Variants in HDAC9 observed in about 807,000 individuals in gnomAD.
HDAC9 encodes the protein MEF-2 interacting transcription repressor (MITR) protein.
HDAC9 carries 41 observed loss-of-function variants against 139.4 expected under a neutral mutation model. The observed-to-expected ratio is 0.29, with a 90% CI of 0.23 to 0.38. The LOEUF (loss-of-function observed/expected upper bound fraction) is 0.38. HDAC9 is among the 10% of genes least tolerant of loss of function. The pLI, the probability that HDAC9 is intolerant of heterozygous loss-of-function variation, is 1.00. For missense variants in HDAC9, 1,147 were observed against 1,297.0 expected, an observed-to-expected ratio of 0.88 and a Z score of 1.78; for synonymous variants, 517 against 476.2, an observed-to-expected ratio of 1.09 and a Z score of -1.12.
chr7:18,778,746 C>A (rs1048777992), intron 16 of HDAC9, among the ~76,000 whole-genome samples: 2 of 151,972 alleles, frequency 1.3e-5, no homozygotes, highest in African/African-American at 4.8e-5. Context: ...AAGTAAGGAT[C>A]CTTAGAGTCT....
chr7:18,319,036 A>G (rs1014016372), intron 1 of HDAC9, among the ~76,000 whole-genome samples: 3 of 152,204 alleles, frequency 2.0e-5, no homozygotes, highest in African/African-American at 7.2e-5. Context: ...CTGTAGTGTG[A>G]CAAGCACTGA....
chr7:18,235,890 C>G (rs1358667709), intron 2 of HDAC9, among the ~76,000 whole-genome samples: 1 of 152,092 alleles, frequency 6.6e-6, no homozygotes, highest in African/African-American at 2.4e-5. Context: ...ACCAAGGGGG[C>G]CTATGTGTAC....
At chr7:18,722,667 A>G (rs1017340310) in intron 12 of HDAC9, among the ~76,000 whole-genome samples, 19 of 152,168 alleles carry the variant, frequency 1.2e-4, no homozygotes, top group African/African-American at 4.6e-4. Context: ...CCTGGCATTT[A>G]ATGATAACTC....
intron 1 of HDAC9, among the ~76,000 whole-genome samples, chr7:18,343,940 A>T (rs953204537): frequency 7.9e-5 from 12 of 151,884 alleles, no homozygotes; most frequent in Non-Finnish European, 1.5e-4. Context: ...ATAGTTCAGA[A>T]ATAGTTTAGT....
chr7:18,842,875 T>C (rs1387837906), intron 21 of HDAC9, among the ~76,000 whole-genome samples: 1 of 152,112 alleles, frequency 6.6e-6, no homozygotes, highest in African/African-American at 2.4e-5. Context: ...AGATATGATA[T>C]TATTAGACAG....
chr7:18,999,856 C>T lies in HDAC9; in HGVS notation c.*3794C>T, dbSNP rs1347165687. 1 of 150,372 alleles carries T rather than the reference C, an allele frequency of 6.7e-6. No homozygotes were observed. Among genetic ancestry groups the T allele is most frequent in the African/African-American group, 2.4e-5 (1 of 41,104 alleles). 9.3% of individuals were successfully genotyped at this position (150,372 alleles called of 1,614,324 possible). A position where few individuals can be genotyped will look rare whatever the true frequency, so the allele number is the denominator to read the frequency against. The stretch of plus-strand genomic sequence containing the variant: ...TCTCAATGAAAGAAGTATTAAAAGT[C>T]TTATGGCCCCAAAAGAAACAAGCCA... On this transcript the variant is annotated 3_prime_UTR_variant, in exon 26 of 26. Coordinates refer to ENST00000686413, the MANE Select transcript of HDAC9 (RefSeq NM_178425.4).
chr7:18,384,754 A>G (rs1485054139), intron 1 of HDAC9, among the ~76,000 whole-genome samples: 2 of 150,638 alleles, frequency 1.3e-5, no homozygotes, highest in African/African-American at 4.9e-5. Flanking sequence ...TGATGTCAGG[A>G]TTGGGGAGAA....
chr7:18,708,364 G>C (rs1784094094), intron 12 of HDAC9, among the ~76,000 whole-genome samples: 1 of 152,104 alleles, frequency 6.6e-6, no homozygotes. Context: ...CTGAAGACAG[G>C]ATCTTTAACA....
chr7:18,537,159 A>G (rs1239993138), intron 2 of HDAC9, among the ~76,000 whole-genome samples: 1 of 152,190 alleles, frequency 6.6e-6, no homozygotes, highest in African/African-American at 2.4e-5. Context: ...ATGCTTCTCC[A>G]TTCTGCTTTC....
At chr7:18,871,331 A>G (rs1200605515) in intron 21 of HDAC9, among the ~76,000 whole-genome samples, 1 of 152,106 alleles carries the variant, frequency 6.6e-6, no homozygotes, top group Non-Finnish European at 1.5e-5. Flanking sequence ...ATTTTCCCTG[A>G]TGCAGTGCTG....
intron 24 of HDAC9, among the ~76,000 whole-genome samples, chr7:18,968,829 G>T (rs958482986): frequency 1.3e-5 from 2 of 151,654 alleles, no homozygotes; most frequent in African/African-American, 4.8e-5. Flanking sequence ...CGTGGTGGCG[G>T]GCGCCTGTAG....
chr7:18,600,313 A>C (rs1032648225), intron 6 of HDAC9, among the ~76,000 whole-genome samples: 1 of 152,134 alleles, frequency 6.6e-6, no homozygotes, highest in Non-Finnish European at 1.5e-5. Flanking sequence ...TTAAACATCA[A>C]TATTTCCTTT....
At chr7:18,504,810 T>C (rs1799314950) in intron 2 of HDAC9, among the ~76,000 whole-genome samples, 1 of 152,212 alleles carries the variant, frequency 6.6e-6, no homozygotes, top group Non-Finnish European at 1.5e-5. Context: ...TTCAGAGAGA[T>C]AAGAAATTTA....
intron 1 of HDAC9, among the ~76,000 whole-genome samples, chr7:18,356,358 G>GCTTTTT (rs778753255): frequency 3.6e-5 from 2 of 55,140 alleles, no homozygotes; most frequent in African/African-American, 7.1e-5. Context: ...CAGCACATAG[G>GCTTTTT]TTTTTTTTTT....
Position 18,644,718 on chromosome 7 carries a change from C to A in HDAC9, c.960C>A (p.Asn320Lys), listed in dbSNP as rs778647714. The A allele has an allele frequency of 2.8e-5, 45 of 1,611,540 alleles. No individual in the cohort carries two copies. Among genetic ancestry groups the A allele is most frequent in the Non-Finnish European group, 2.9e-5 (34 of 1,178,560 alleles). ...TTCTAATTCATGAAGATTCCATGAA[C>A]CTGCTAAGTCTTTATACCTCTCCTT... ...QRILIHEDSM[N>K]LLSLYTSPSL... The change falls in exon 9 of 26, where the codon AAC becomes AAA. Residue 320 changes from asparagine to lysine, a missense_variant. Coordinates refer to ENST00000686413, the MANE Select transcript of HDAC9 (RefSeq NM_178425.4).
At chr7:18,943,291 T>C (rs1375970743) in intron 23 of HDAC9, among the ~76,000 whole-genome samples, 1 of 152,126 alleles carries the variant, frequency 6.6e-6, no homozygotes, top group Non-Finnish European at 1.5e-5. Flanking sequence ...ACTGTGTGGT[T>C]CTAACTGTTT....
At chr7:18,914,015 A>G (rs550522698) in intron 22 of HDAC9, among the ~76,000 whole-genome samples, 2 of 152,128 alleles carry the variant, frequency 1.3e-5, no homozygotes, top group South Asian at 4.1e-4. Context: ...CAATGTTATA[A>G]TGTTAGGAGG....
intron 6 of HDAC9, among the ~76,000 whole-genome samples, chr7:18,596,729 C>T (rs1832615462): frequency 1.3e-5 from 2 of 152,032 alleles, no homozygotes; most frequent in Admixed American, 6.6e-5. Flanking sequence ...GATTCTAAAC[C>T]TCTCTTGTCT....
chr7:18,572,319 G>T (rs909748548), intron 2 of HDAC9, among the ~76,000 whole-genome samples: 1 of 146,194 alleles, frequency 6.8e-6, no homozygotes, highest in Non-Finnish European at 1.5e-5. Flanking sequence ...TCATAAATAT[G>T]TCATATTCAC....
Sources: allele counts gnomAD v4.1 joint callset (sites outside exome capture counted in the v4.1 genomes callset), GRCh38; gene constraint gnomAD v4.1.1; transcripts MANE v1.5; gene names NCBI Gene and HGNC (gene_info 2026-07-23, HGNC 2026-07-21).